The following GREB1L variants were observed in gnomAD, a reference collection of about 807,000 sequenced individuals.
GREB1L encodes GREB1 like retinoic acid receptor coactivator, also known as GREB1-like protein.
GREB1L carries 17 observed loss-of-function variants against 200.8 expected under a neutral mutation model. The ratio of observed to expected loss-of-function variants is 0.08; its 90% CI spans 0.06 to 0.13. GREB1L has a LOEUF of 0.13. Ranked by LOEUF, GREB1L falls within the 10% of genes least tolerant of loss-of-function variation. The pLI is 1.00. For synonymous variants in GREB1L, 789 were observed against 893.0 expected (o/e 0.88, Z 2.08); for missense variants, 1,657 against 2,367.7 (o/e 0.70, Z 6.23).
At chr18:21,520,626 TG>T in intron 31 of GREB1L, 61 bp from the exon 32 acceptor site, 1 of 1,518,556 alleles carries the variant, frequency 6.6e-7, no homozygotes, top group Non-Finnish European at 9.0e-7. Context: ...GTCATTCTGC[TG>T]AACTGCAGAT....
chr18:21,301,339 A>G (rs917012573), intron 1 of GREB1L, among the ~76,000 whole-genome samples: 6 of 152,200 alleles, frequency 3.9e-5, no homozygotes, highest in Non-Finnish European at 7.3e-5. Context: ...AAGCTAGCCA[A>G]ACTTTTCCTC....
rs547876546 is a variant in GREB1L, at chr18:21,254,061, ATTTTTTTTTTT to A, written c.-120+11684_-120+11694del. 9.9e-5 allele frequency among the ~76,000 whole-genome samples: 7 copies of A among 70,424 alleles called. 1 individual carries two copies. The highest frequency in any genetic ancestry group is 4.0e-4 in the African/African-American group (6 of 14,876). The allele number at this position is 70,424 out of a possible 152,430, so 46.2% of individuals were successfully genotyped here. The stretch of plus-strand genomic sequence containing the variant: ...CTTTGCTGTCCAGGCTTTCAGGCAT[ATTTTTTTTTTT>A]TTTTTTTTTTTTTTTGCTAGAGAGT... On this transcript the variant is annotated intron_variant, in intron 1 of 32. Coordinates refer to ENST00000424526, the MANE Select transcript of GREB1L (RefSeq NM_001142966.3).
At chr18:21,440,171 G>C (rs1020015561) in intron 8 of GREB1L, 98 bp from the exon 9 acceptor site, 33 of 1,227,020 alleles carry the variant, frequency 2.7e-5, no homozygotes, top group African/African-American at 2.0e-4. Flanking sequence ...TCAAATTAAA[G>C]GTTCTGTATT....
chr18:21,423,481 T>C (rs1327895547), intron 7 of GREB1L, among the ~76,000 whole-genome samples: 2 of 152,130 alleles, frequency 1.3e-5, no homozygotes, highest in African/African-American at 4.8e-5. Flanking sequence ...TTTTTGTACA[T>C]AATTCCTGTA....
rs572486273 is a variant in GREB1L at position 21,414,600 on chromosome 18, A to G, written c.832+10606A>G. Among the ~76,000 whole-genome samples the G allele has an allele frequency of 2.6e-5, 4 of 152,316 alleles. 1 individual carries two copies. In the South Asian group the frequency reaches 8.3e-4, roughly 32 times the overall value. On this transcript the variant is annotated intron_variant, in intron 7 of 32. Transcript: ENST00000424526. ...CTAGATTTTGAACTCTCTGCTCACT[A>G]CTGAACAATTATATTTGGCAATTAC...
chr18:21,501,297 G>A (rs1412676323), intron 23 of GREB1L, among the ~76,000 whole-genome samples: 1 of 151,534 alleles, frequency 6.6e-6, no homozygotes, highest in African/African-American at 2.4e-5. Context: ...TGAATGTGCA[G>A]GTTTGTTACA....
intron 15 of GREB1L, among the ~76,000 whole-genome samples, chr18:21,457,102 T>G (rs2034802183): frequency 6.6e-6 from 1 of 152,186 alleles, no homozygotes; most frequent in East Asian, 1.9e-4. Flanking sequence ...CTTTCACCTT[T>G]CCTAATAAAT....
At chr18:21,472,840 A>G (rs925642138) in intron 15 of GREB1L, among the ~76,000 whole-genome samples, 191 bp from the exon 16 acceptor site, 2 of 152,212 alleles carry the variant, frequency 1.3e-5, no homozygotes, top group African/African-American at 4.8e-5. Context: ...GCAGTGTTAC[A>G]AAGAAAAGGA....
chr18:21,475,007 A>G (rs1477416679), intron 16 of GREB1L, among the ~76,000 whole-genome samples: 5 of 152,184 alleles, frequency 3.3e-5, no homozygotes, highest in East Asian at 3.9e-4. Flanking sequence ...GAGCTACAAG[A>G]TAAGATTTGG....
intron 20 of GREB1L, 93 bp from the exon 21 acceptor site, chr18:21,496,361 A>G: frequency 1.5e-6 from 2 of 1,365,492 alleles, no homozygotes; most frequent in South Asian, 2.8e-5. Context: ...TATGATTTTA[A>G]CTGCTGTGTG....
intron 4 of GREB1L, among the ~76,000 whole-genome samples, chr18:21,391,898 C>T (rs2040825880): frequency 6.6e-6 from 1 of 152,186 alleles, no homozygotes; most frequent in Non-Finnish European, 1.5e-5. Context: ...CAACCTCTGC[C>T]TCCTAGGTTC....
chr18:21,416,631 T>C (rs1288552693), intron 7 of GREB1L, among the ~76,000 whole-genome samples: 11 of 150,240 alleles, frequency 7.3e-5, no homozygotes. Context: ...GAGGCAGAGC[T>C]TGCAGTGAGC....
intron 1 of GREB1L, among the ~76,000 whole-genome samples, chr18:21,327,998 G>A (rs1425064183): frequency 6.6e-6 from 1 of 152,200 alleles, no homozygotes; most frequent in East Asian, 1.9e-4. Context: ...ACAGGCGTGA[G>A]CCACAGCGCC....
chr18:21,285,221 G>A (rs2038336063), intron 1 of GREB1L, among the ~76,000 whole-genome samples: 1 of 151,678 alleles, frequency 6.6e-6, no homozygotes, highest in South Asian at 2.1e-4. Context: ...ATACTTTGAA[G>A]CACAAAAGTT....
In GREB1L at chr18:21,500,001, C is replaced by T. The variant is rs1402796000; in HGVS notation, c.3664C>T (p.Arg1222Trp). ...GCCGGGACAGCCCATCAGAGGCTGC[C>T]GGGGCCCACAGGCAGCCCTGCCACC... ...PWPGQPIRGC[R>W]GPQAALPPVV... The change falls in exon 22 of 33, where the codon CGG (arginine) becomes TGG (tryptophan). Residue 1222 changes from arginine (R) to tryptophan (W), a missense_variant. By Grantham distance (101) the Arg-to-Trp change is moderately radical. This residue lies in a region of GREB1L where 512 missense variants were observed against 668.3 expected (regional missense o/e 0.77). Transcript: ENST00000424526. The T allele has an allele frequency of 3.2e-6, 5 of 1,551,460 alleles. No homozygotes were observed. Among genetic ancestry groups the T allele is most frequent in the Non-Finnish European group, 3.5e-6 (4 of 1,146,982 alleles).
intron 1 of GREB1L, among the ~76,000 whole-genome samples, chr18:21,262,829 A>G (rs1360949804): frequency 1.3e-5 from 2 of 152,214 alleles, no homozygotes; most frequent in Non-Finnish European, 2.9e-5. Context: ...TGAGAAAAAC[A>G]GTAGATGAGA....
chr18:21,265,991 G>T (rs1598615211), intron 1 of GREB1L, among the ~76,000 whole-genome samples: 1 of 152,148 alleles, frequency 6.6e-6, no homozygotes, highest in Non-Finnish European at 1.5e-5. Context: ...AAACCCATAA[G>T]GATCTGGAAG....
intron 15 of GREB1L, among the ~76,000 whole-genome samples, chr18:21,457,225 C>T (rs2034808915): frequency 6.6e-6 from 1 of 151,716 alleles, no homozygotes; most frequent in South Asian, 2.1e-4. Flanking sequence ...AGATTATCAC[C>T]TCTCAAAAAG....
chr18:21,383,447 TGA>T (rs2040405452), intron 2 of GREB1L, 61 bp from the exon 3 acceptor site: 1 of 1,250,292 alleles, frequency 8.0e-7, no homozygotes, highest in Non-Finnish European at 1.1e-6. Flanking sequence ...ACCTGTACTT[TGA>T]GACATAGAAC....
Sources: gnomAD v4.1 joint callset for allele counts (sites outside exome capture counted in the v4.1 genomes callset) on GRCh38, gnomAD v4.1.1 for gene constraint, gnomAD v4.1.1 regional missense constraint, MANE v1.5 for transcripts, NCBI Gene and HGNC (gene_info 2026-07-23, HGNC 2026-07-21) for gene names.